The following SYTL2 variants were observed in gnomAD, a reference collection of about 807,000 sequenced individuals.
SYTL2 encodes the protein synaptotagmin-like protein 2.
In SYTL2, 165 loss-of-function variants were observed where a neutral mutation model predicts 198.7. The observed-to-expected ratio is 0.83, with a 90% CI of 0.73 to 0.94. The LOEUF is 0.94. Ranked by LOEUF, SYTL2 falls within the 40% of genes least tolerant of loss-of-function variation. SYTL2 has a pLI of 0.00. For synonymous variants in SYTL2, 966 were observed against 917.7 expected, an observed-to-expected ratio of 1.05 and a Z score of -0.95; for missense variants, 2,835 against 2,582.8, an observed-to-expected ratio of 1.10 and a Z score of -2.12.
chr11:85,700,864 T>G lies in SYTL2; in HGVS notation c.6190-271A>C, dbSNP rs183209865. 2.6e-4 allele frequency among the ~76,000 whole-genome samples: 40 copies of G among 152,332 alleles called. 1 individual carries two copies. Among genetic ancestry groups the G allele is most frequent in the African/African-American group, 8.7e-4 (36 of 41,582 alleles). On this transcript the variant is annotated intron_variant, in intron 16 of 19. Transcript: ENST00000359152. ...AGATGGTGAAGAAACCAGAATGGCT[T>G]TCTTGGAGATGGGAGAGGTTTCTTT... is the stretch of plus-strand genomic sequence containing the variant.
intron 1 of SYTL2, among the ~76,000 whole-genome samples, chr11:85,793,677 T>A (rs902298550): frequency 6.6e-6 from 1 of 152,200 alleles, no homozygotes; most frequent in Non-Finnish European, 1.5e-5. Flanking sequence ...TCTCAACACT[T>A]CCTGTCATGG....
rs1285533056 is a variant in SYTL2, at chr11:85,725,970, C to T, written c.3388G>A (p.Asp1130Asn). ...KTNVLSKDCK[D>N]TFNDSLQKLL... Reference sequence around the variant, plus strand: ...TTCTGCAAGCTGTCATTAAAAGTGTCTTTGCAGTCTTTAGACAAAACATTG... The same window carrying T: ...TTCTGCAAGCTGTCATTAAAAGTGTTTTTGCAGTCTTTAGACAAAACATTG... The change falls in exon 8 of 20, where the codon GAC (aspartate) becomes AAC (asparagine). Residue 1130 changes from aspartate (D) to asparagine (N), a missense_variant. Physicochemically the swap from Asp to Asn is conservative, Grantham distance 23 (BLOSUM62 1). Transcript: ENST00000359152. 2 of 1,614,150 alleles carry T rather than the reference C, an allele frequency of 1.2e-6. No homozygotes were observed. Among genetic ancestry groups the T allele is most frequent in the South Asian group, 1.1e-5 (1 of 91,064 alleles).
At chr11:85,789,366 ATATATAT>A (rs2092693577) in intron 1 of SYTL2, among the ~76,000 whole-genome samples, 1 of 47,818 alleles carries the variant, frequency 2.1e-5, no homozygotes, top group African/African-American at 7.5e-5. Context: ...ATATATATAT[ATATATAT>A]ATATGTATAT....
At position 85,724,594 on chromosome 11, in the gene SYTL2, T is replaced by G; in HGVS notation, c.4764A>C (p.Arg1588Ser). Reference sequence around the variant, plus strand: ...AGGACTCCTTCTCGTGAGTTTCTTCTCTCACTGACACCTGGGGCTGATAAG... The same window carrying G: ...AGGACTCCTTCTCGTGAGTTTCTTCGCTCACTGACACCTGGGGCTGATAAG... ...APPYQPQVSV[R>S]EETHEKESSQ... is the part of the protein sequence containing the mutation. The change falls in exon 8 of 20, where the codon AGA becomes AGC. Residue 1588 changes from arginine to serine, a missense_variant. Physicochemically the swap from Arg to Ser is moderately radical, Grantham distance 110 (BLOSUM62 -1). Around this residue, in one of 3 missense-constraint regions of SYTL2, gnomAD observed 2,645 missense variants for 2,381.7 expected, o/e 1.11. Transcript: ENST00000359152. 6.2e-7 allele frequency: 1 copy of G among 1,612,976 alleles called. No individual in the cohort carries two copies. The highest frequency in any genetic ancestry group is 1.1e-5 in the South Asian group (1 of 90,826).
the SYTL2 span, among the ~76,000 whole-genome samples, chr11:85,848,802 C>A: frequency 6.6e-6 from 1 of 152,170 alleles, no homozygotes; most frequent in Admixed American, 6.5e-5. Context: ...AACCCTGGCT[C>A]CAGCTTACTG....
At chr11:85,825,784 C>T in the SYTL2 span, among the ~76,000 whole-genome samples, 2 of 152,172 alleles carry the variant, frequency 1.3e-5, no homozygotes, top group African/African-American at 2.4e-5. Context: ...TGTCATTTCC[C>T]GTTAGTGTAA....
intron 1 of SYTL2, among the ~76,000 whole-genome samples, chr11:85,803,196 TTATAAAA>T: frequency 6.6e-6 from 1 of 152,248 alleles, no homozygotes; most frequent in East Asian, 1.9e-4. Context: ...AGAATGCATA[TTATAAAA>T]CTGTAAAAAT....
intron 3 of SYTL2, among the ~76,000 whole-genome samples, chr11:85,746,571 A>G (rs1383401491): frequency 6.6e-6 from 1 of 152,204 alleles, no homozygotes; most frequent in African/African-American, 2.4e-5. Flanking sequence ...CAGAGCCAGT[A>G]AGTGCCCAGA....
At chr11:85,742,492 G>A (rs1318125830) in intron 4 of SYTL2, among the ~76,000 whole-genome samples, 1 of 152,128 alleles carries the variant, frequency 6.6e-6, no homozygotes, top group Non-Finnish European at 1.5e-5. Flanking sequence ...GTTGTGGGGG[G>A]CACACAATGT....
the SYTL2 span, chr11:85,854,085 C>T: frequency 6.6e-6 from 1 of 152,144 alleles, no homozygotes; most frequent in Non-Finnish European, 1.5e-5. Context: ...AATCTGTCCA[C>T]CTCGGCCTCC....
chr11:85,805,944 T>C (rs1307065976), intron 1 of SYTL2, among the ~76,000 whole-genome samples: 1 of 152,216 alleles, frequency 6.6e-6, no homozygotes, highest in African/African-American at 2.4e-5. Flanking sequence ...TGCTCTTATT[T>C]TGGCCTTCTT....
rs939460520 is a variant in SYTL2 at position 85,695,102 on chromosome 11, G to C, written c.*93C>G. 79 of 1,349,810 alleles carry C rather than the reference G, an allele frequency of 5.9e-5. No homozygotes were observed. In the Admixed American group the frequency reaches 1.7e-3, roughly 28 times the overall value. 83.6% of individuals were successfully genotyped at this position (1,349,810 alleles called of 1,614,324 possible). On this transcript the variant is annotated 3_prime_UTR_variant, in exon 20 of 20. Transcript: ENST00000359152. ...TAGTATTCCTTAGGTGCAATAGATA[G>C]AAAGTGAGGATATTTGTCCACCTAC... is the stretch of plus-strand genomic sequence containing the variant.
At chr11:85,699,898 T>C (rs1302268868) in intron 17 of SYTL2, among the ~76,000 whole-genome samples, 1 of 151,922 alleles carries the variant, frequency 6.6e-6, no homozygotes, top group Non-Finnish European at 1.5e-5. Context: ...ACCCTGAGAG[T>C]GGAGGGTGAA....
At chr11:85,796,553 T>C (rs1477129091) in intron 1 of SYTL2, among the ~76,000 whole-genome samples, 2 of 152,186 alleles carry the variant, frequency 1.3e-5, no homozygotes, top group Non-Finnish European at 2.9e-5. Context: ...CAATAGCTCT[T>C]TGTCACCCAG....
intron 1 of SYTL2, among the ~76,000 whole-genome samples, chr11:85,793,325 C>T (rs1046111438): frequency 1.3e-5 from 2 of 152,122 alleles, no homozygotes; most frequent in Admixed American, 6.5e-5. Context: ...GCCATTCTAA[C>T]TGGTGTGAGA....
chr11:85,722,640 C>A (rs1363194662), intron 8 of SYTL2, among the ~76,000 whole-genome samples: 1 of 151,820 alleles, frequency 6.6e-6, no homozygotes, highest in African/African-American at 2.4e-5. Flanking sequence ...TAGTAAGAGC[C>A]TACCTCAACA....
intron 1 of SYTL2, among the ~76,000 whole-genome samples, chr11:85,769,908 T>C (rs1051372268): frequency 1.1e-4 from 17 of 152,172 alleles, no homozygotes; most frequent in Admixed American, 6.5e-5. Flanking sequence ...ACGCAGTTTA[T>C]GTAGCATTTT....
At chr11:85,721,032 G>A (rs2088238334) in intron 8 of SYTL2, 73 bp from the exon 9 acceptor site, 1 of 850,950 alleles carries the variant, frequency 1.2e-6, no homozygotes, top group Admixed American at 2.3e-5. Flanking sequence ...TATGGACATA[G>A]AAATGGTAGG....
chr11:85,800,383 C>T (rs2092868399), intron 1 of SYTL2, among the ~76,000 whole-genome samples: 3 of 152,178 alleles, frequency 2.0e-5, no homozygotes, highest in Admixed American at 2.0e-4. Flanking sequence ...TCAAGTGATC[C>T]TCCCACTTCA....
Sources: gnomAD v4.1 joint callset for allele counts (sites outside exome capture counted in the v4.1 genomes callset) on GRCh38, gnomAD v4.1.1 for gene constraint, gnomAD v4.1.1 regional missense constraint, MANE v1.5 for transcripts, NCBI Gene and HGNC (gene_info 2026-07-23, HGNC 2026-07-21) for gene names.